The following CHTF18 variants were observed in gnomAD, a reference collection of about 807,000 sequenced individuals.
CHTF18 encodes the protein chromosome transmission fidelity factor 18, also known as chromosome transmission fidelity protein 18 homolog.
Under a neutral mutation model 113.4 loss-of-function variants are expected in CHTF18, and 151 were observed. The observed-to-expected ratio is 1.33, with a 90% CI of 1.17 to 1.52. The LOEUF (loss-of-function observed/expected upper bound fraction) is 1.52. CHTF18 is among the 40% of genes most tolerant of loss of function. The probability of loss-of-function intolerance (pLI) is 0.00; values close to 1 mark genes in which losing one functional copy is unlikely to be tolerated. For missense variants in CHTF18, 1,982 were observed against 1,381.6 expected (o/e 1.43, Z -6.89); for synonymous variants, 916 against 598.8 (o/e 1.53, Z -7.74).
Position 790,372 on chromosome 16 carries a change from C to T in CHTF18, c.725C>T (p.Ala242Val), listed in dbSNP as rs780364796. 6.8e-6 allele frequency: 11 copies of T among 1,611,762 alleles called. No individual in the cohort carries two copies. The highest frequency in any genetic ancestry group is 1.3e-5 in the African/African-American group (1 of 74,906). Residue 242 changes from alanine (A) to valine (V), a missense_variant, in exon 6 of 22, where the codon GCC becomes GTC. Transcript: ENST00000262315. ...GERRERLLQE[A>V]QKLSDTLHSL... is the part of the protein sequence containing the mutation. The stretch of plus-strand genomic sequence containing the variant: ...CGGCGGGAGCGGCTGCTTCAGGAGG[C>T]CCAGAAGCTTTCAGACACCCTGCAC...
At position 795,829 on chromosome 16, in the gene CHTF18, C is replaced by T. The variant is rs746779829; in HGVS notation, c.2320C>T (p.Arg774Cys). ...CCTGGACATTCTTGCACCCAAGCTC[C>T]GCCCCGTGAGTGCCGTCCCCGGGGT... ...LLLDILAPKL[R>C]PVSTQLYSTR... is the part of the protein sequence containing the mutation. The change falls in exon 17 of 22, where the codon CGC becomes TGC. Residue 774 changes from arginine (R) to cysteine (C), a missense_variant. By Grantham distance (180) the Arg-to-Cys change is radical. Transcript: ENST00000262315. 1.2e-4 allele frequency: 188 copies of T among 1,609,210 alleles called. 1 individual carries two copies. Among genetic ancestry groups the T allele is most frequent in the South Asian group, 2.0e-4 (18 of 90,630 alleles).
At chr16:792,850 GT>G in intron 12 of CHTF18, 39 bp downstream of exon 12, 10 of 1,534,806 alleles carry the variant, frequency 6.5e-6, no homozygotes, top group Non-Finnish European at 8.8e-6. Context: ...TGATGGCGGG[GT>G]TGGGGGCGTG....
In CHTF18 at chr16:795,745, C is replaced by A. The variant is rs922954072; in HGVS notation, c.2236C>A (p.Pro746Thr). The change falls in exon 17 of 22, where the codon CCA becomes ACA. Residue 746 changes from proline to threonine, a missense_variant. Pro to Thr is a conservative substitution (Grantham distance 38). Coordinates refer to ENST00000262315, the MANE Select transcript of CHTF18 (RefSeq NM_022092.3). ...LIQTLVSGIA[P>T]ATRSRATPQA... ...CCAGACGCTGGTGTCCGGCATCGCG[C>A]CAGCCACGCGCAGCCGGGCCACGCC... 6.2e-7 allele frequency: 1 copy of A among 1,608,648 alleles called. No homozygotes were observed. The highest frequency in any genetic ancestry group is 8.5e-7 in the Non-Finnish European group (1 of 1,178,612).
Position 795,357 on chromosome 16 carries a change from G to A in CHTF18, c.2175+1G>A. 1 of 1,545,596 alleles carries A rather than the reference G, an allele frequency of 6.5e-7. No individual in the cohort carries two copies. On this transcript the variant is annotated splice_donor_variant, in intron 16 of 21. Coordinates refer to ENST00000262315, the MANE Select transcript of CHTF18 (RefSeq NM_022092.3). LOFTEE classifies it high-confidence loss of function. Reference sequence around the variant, plus strand: ...CACCTTCCCCAGCAGCCAGCAGGAGGTGTGCTCGTCCCTGCACCACGCCTG... The same window carrying A: ...CACCTTCCCCAGCAGCCAGCAGGAGATGTGCTCGTCCCTGCACCACGCCTG...
At chr16:791,403 G>A (rs769869083) in intron 8 of CHTF18, 33 bp downstream of exon 8, 3 of 1,564,008 alleles carry the variant, frequency 1.9e-6, no homozygotes, top group East Asian at 2.3e-5. Context: ...CCGGGAACAA[G>A]CCTGAGGCTT....
chr16:792,506 C>G lies in CHTF18; in HGVS notation c.1394C>G (p.Pro465Arg), dbSNP rs372435159. 1.0e-5 allele frequency: 16 copies of G among 1,592,460 alleles called. No homozygotes were observed. In the African/African-American group the frequency reaches 1.8e-4, roughly 17 times the overall value. ...KGPQEVGPQGPAVPSGGGRRR... is the reference protein window; with the variant it reads ...KGPQEVGPQGRAVPSGGGRRR... ...CCACAGGAGGTGGGGCCACAGGGCC[C>G]GGCTGTGCCTTCGGGAGGCGGCCGA... The change falls in exon 11 of 22, where the codon CCG becomes CGG. Residue 465 changes from proline to arginine, a missense_variant. Transcript: ENST00000262315.
intron 20 of CHTF18, 51 bp downstream of exon 20, chr16:797,143 G>A: frequency 6.8e-7 from 1 of 1,469,404 alleles, no homozygotes; most frequent in Non-Finnish European, 8.9e-7. Flanking sequence ...ACCTTTGGGG[G>A]TGTGGCTAGG....
In CHTF18 at chr16:791,913, T is replaced by G. The variant is rs918825280; in HGVS notation, c.1167T>G (p.Arg389=). ...GKTTLAHVIA[R]HAGYSVVEMN... is the part of the protein sequence containing the mutation. ...CCACCCTGGCACACGTGATTGCGCG[T>G]CACGCGGGGTACTCTGTGGTGGAGA... The change falls in exon 9 of 22, where the codon CGT becomes CGG. Residue 389 remains arginine, a synonymous_variant. Transcript: ENST00000262315. 1.2e-6 allele frequency: 2 copies of G among 1,609,840 alleles called. No homozygotes were observed. Among genetic ancestry groups the G allele is most frequent in the Admixed American group, 1.7e-5 (1 of 59,634 alleles).
rs1434273421 is a variant in CHTF18 at position 790,530 on chromosome 16, G to T, written c.758G>T (p.Arg253Met). 6.2e-7 allele frequency: 1 copy of T among 1,600,356 alleles called. No individual in the cohort carries two copies. Among genetic ancestry groups the T allele is most frequent in the Non-Finnish European group, 8.5e-7 (1 of 1,174,476 alleles). Residue 253 changes from arginine (R) to methionine (M), a missense_variant, in exon 7 of 22, where the codon AGG becomes ATG. Physicochemically the swap from Arg to Met is moderately conservative, Grantham distance 91. Coordinates refer to ENST00000262315, the MANE Select transcript of CHTF18 (RefSeq NM_022092.3). ...QKLSDTLHSL[R>M]SGEEEAAQPL... ...CAGGACGTGGTCCTCTCCAGTCTCA[G>T]GTCGGGGGAGGAGGAGGCAGCCCAG...
chr16:797,794 T>TG (rs775945254), intron 21 of CHTF18, 43 bp downstream of exon 21: 1 of 981,148 alleles, frequency 1.0e-6, no homozygotes. Flanking sequence ...GCCTGGGGGT[T>TG]GTGGGGGGGC....
rs757777788 is a variant in CHTF18 at position 792,546 on chromosome 16, G to T, written c.1434G>T (p.Glu478Asp). 2.5e-6 allele frequency: 4 copies of T among 1,596,086 alleles called. No individual in the cohort carries two copies. Among genetic ancestry groups the T allele is most frequent in the East Asian group, 2.2e-5 (1 of 44,812 alleles). Residue 478 changes from glutamate (E) to aspartate (D), a missense_variant, in exon 11 of 22, where the codon GAG becomes GAT. Transcript: ENST00000262315. ...GAGGCGGCCGACGGCGCCGGGCAGA[G>T]GGGGGGCTCCTCATGAGGCCCATTA... ...PSGGGRRRRAEGGLLMRPIIC... is the reference protein window; with the variant it reads ...PSGGGRRRRADGGLLMRPIIC...
At position 794,092 on chromosome 16, in the gene CHTF18, C is replaced by T. The variant is rs1418457391; in HGVS notation, c.1841C>T (p.Thr614Ile). 5.0e-6 allele frequency: 8 copies of T among 1,612,306 alleles called. No homozygotes were observed. The highest frequency in any genetic ancestry group is 6.8e-6 in the Non-Finnish European group (8 of 1,179,714). ...CAGGACCCCGCCCTGCCTGCTGACA[C>T]ACTCCTGCTGGGTGACGGGGACGCG... The part of the protein sequence containing the change: ...VGQDPALPAD[T>I]LLLGDGDAGS... The change falls in exon 15 of 22, where the codon ACA becomes ATA. Residue 614 changes from threonine to isoleucine, a missense_variant. Transcript: ENST00000262315.
Position 796,934 on chromosome 16 carries a change from A to T in CHTF18, c.2602-27A>T, listed in dbSNP as rs60372043. Reference sequence around the variant, plus strand: ...ATCCCCACTGTATCCCTGTGTGGCCAGATCTCACAATGCCTGCTCCCTACA... The same window carrying T: ...ATCCCCACTGTATCCCTGTGTGGCCTGATCTCACAATGCCTGCTCCCTACA... On this transcript the variant is annotated intron_variant, in intron 19 of 21. Transcript: ENST00000262315. 3.9e-6 allele frequency: 6 copies of T among 1,530,402 alleles called. No homozygotes were observed. In the African/African-American group the frequency reaches 8.3e-5, roughly 21 times the overall value. 94.8% of individuals were successfully genotyped at this position (1,530,402 alleles called of 1,614,324 possible). A position where few individuals can be genotyped will look rare whatever the true frequency, so the allele number is the denominator to read the frequency against.
chr16:797,112 G>C lies in CHTF18; in HGVS notation c.2733+20G>C, dbSNP rs113256568. 7.3e-6 allele frequency: 11 copies of C among 1,498,194 alleles called. No individual in the cohort carries two copies. Among genetic ancestry groups the C allele is most frequent in the African/African-American group, 2.8e-5 (2 of 71,284 alleles). The allele number at this position is 1,498,194 out of a possible 1,614,324, so 92.8% of individuals were successfully genotyped here. A position where few individuals can be genotyped will look rare whatever the true frequency, so the allele number is the denominator to read the frequency against. ...GAACAGGTGTGGAATGGGCAGCTGT[G>C]GGGGTGGGACCAGGGTACATACCTT... On this transcript the variant is annotated intron_variant, in intron 20 of 21. Coordinates refer to ENST00000262315, the MANE Select transcript of CHTF18 (RefSeq NM_022092.3).
chr16:790,415 C>T lies in CHTF18; in HGVS notation c.752+16C>T, dbSNP rs539283811. On this transcript the variant is annotated intron_variant, in intron 6 of 21. Coordinates refer to ENST00000262315, the MANE Select transcript of CHTF18 (RefSeq NM_022092.3). ...CCCTGCACAGGTGACTTGGTTGGCC[C>T]TTCCGCCCTGGGGACCCTTGTTGGC... 60 of 1,612,322 alleles carry T rather than the reference C, an allele frequency of 3.7e-5. No individual in the cohort carries two copies. The African/African-American group carries it at 5.9e-4, about 16-fold the overall frequency.
chr16:794,419 TA>T (rs1420093578), intron 15 of CHTF18, among the ~76,000 whole-genome samples: 1 of 150,450 alleles, frequency 6.6e-6, no homozygotes, highest in African/African-American at 2.5e-5. Flanking sequence ...GGCAAGGAGG[TA>T]GGGGCGGCCG....
Position 792,996 on chromosome 16 carries a change from C to A in CHTF18, c.1603C>A (p.Pro535Thr). The A allele has an allele frequency of 6.4e-7, 1 of 1,558,510 alleles. No individual in the cohort carries two copies. The highest frequency in any genetic ancestry group is 8.7e-7 in the Non-Finnish European group (1 of 1,151,598). ...CCTGCGGCAGGGCATGAGGGCCGAC[C>A]CAGGGGTGCTGGCCGCCCTCTGTGA... ...VSLRQGMRAD[P>T]GVLAALCEKT... Residue 535 changes from proline (P) to threonine (T), a missense_variant, in exon 13 of 22, where the codon CCA becomes ACA. Transcript: ENST00000262315.
rs1478969359 is a variant in CHTF18 at position 793,164 on chromosome 16, G to A, written c.1692G>A (p.Gln564=). The change falls in exon 14 of 22, where the codon CAG becomes CAA. Residue 564 remains glutamine, a synonymous_variant. Transcript: ENST00000262315. ...NTLQFLYSRG[Q]RELSVRDVQA... is the part of the protein sequence containing the mutation. ...TCTAGTTCCTGTACAGCCGGGGCCA[G>A]CGGGAGCTGAGCGTGCGGGACGTGC... 6.2e-7 allele frequency: 1 copy of A among 1,605,584 alleles called. No homozygotes were observed. Among genetic ancestry groups the A allele is most frequent in the Middle Eastern group, 1.9e-4 (1 of 5,392 alleles).
At chr16:792,195 C>T in intron 9 of CHTF18, 29 bp from the exon 10 acceptor site, 1 of 1,558,554 alleles carries the variant, frequency 6.4e-7, no homozygotes, top group Non-Finnish European at 8.7e-7. Context: ...CGCCCACTGC[C>T]CTGACGACCC....
Sources: allele counts gnomAD v4.1 joint callset (sites outside exome capture counted in the v4.1 genomes callset), GRCh38; gene constraint gnomAD v4.1.1; transcripts MANE v1.5; gene names NCBI Gene and HGNC (gene_info 2026-07-23, HGNC 2026-07-21).